The following DAB1 variants were observed in gnomAD, a reference collection of about 807,000 sequenced individuals.
The protein encoded by DAB1 is DAB adaptor protein 1.
DAB1 carries 15 observed loss-of-function variants against 64.6 expected under a neutral mutation model. The ratio of observed to expected loss-of-function variants is 0.23; its 90% confidence interval spans 0.16 to 0.36. The LOEUF (loss-of-function observed/expected upper bound fraction) is 0.36. Among genes scored for constraint, DAB1 ranks in the 10% least tolerant of loss-of-function variants. The pLI is 1.00. For synonymous variants in DAB1, 235 were observed against 251.9 expected (o/e 0.93, Z 0.64); for missense variants, 596 against 706.7 (o/e 0.84, Z 1.78).
intron 2 of DAB1, among the ~76,000 whole-genome samples, chr1:57,263,412 G>T (rs758696607): frequency 4.6e-5 from 7 of 152,068 alleles, no homozygotes; most frequent in Non-Finnish European, 1.0e-4. Context: ...GAGCCACTGC[G>T]CCTGGCTGAA....
intron 7 of DAB1, among the ~76,000 whole-genome samples, chr1:57,590,783 C>CA (rs1645437643): frequency 3.5e-5 from 5 of 143,824 alleles, no homozygotes; most frequent in African/African-American, 1.0e-4. Context: ...CACACACACA[C>CA]CCCACTCACA....
chr1:58,529,013 T>C (rs920687633), intron 1 of DAB1, among the ~76,000 whole-genome samples: 5 of 152,176 alleles, frequency 3.3e-5, no homozygotes, highest in Non-Finnish European at 7.3e-5. Context: ...AAGCAATCTA[T>C]AGATAGATCA....
At position 57,906,921 on chromosome 1, in the gene DAB1, A is replaced by G. The variant is rs149457215; in HGVS notation, n.388-22759T>C. On this transcript the variant is annotated intron_variant and non_coding_transcript_variant, in intron 5 of 20. Transcript: ENST00000485760. ...TTTCTTAGCAGACACACATATAAAA[A>G]TAAGAATATAATATGCAGATAGATA... Among the ~76,000 whole-genome samples, 173 of 149,496 alleles carry G rather than the reference A, an allele frequency of 1.2e-3. 3 individuals are homozygous for G. In the East Asian group the frequency reaches 0.03, roughly 26 times the overall value.
At chr1:58,437,255 T>A (rs2100256938) in intron 3 of DAB1, among the ~76,000 whole-genome samples, 1 of 152,332 alleles carries the variant, frequency 6.6e-6, no homozygotes, top group Middle Eastern at 3.4e-3. Context: ...CCTGGGAACC[T>A]GCATTTTTGA....
chr1:58,224,999 G>T (rs1261492377), intron 4 of DAB1, among the ~76,000 whole-genome samples: 1 of 152,140 alleles, frequency 6.6e-6, no homozygotes, highest in African/African-American at 2.4e-5. Flanking sequence ...CACAGCAAAA[G>T]AAACTACCAT....
chr1:58,390,233 C>T (rs976810609), intron 3 of DAB1, among the ~76,000 whole-genome samples: 6 of 152,132 alleles, frequency 3.9e-5, no homozygotes, highest in Non-Finnish European at 8.8e-5. Context: ...TACCCCACCC[C>T]ACCCCTACCC....
intron 3 of DAB1, among the ~76,000 whole-genome samples, chr1:58,501,459 T>A (rs548253362): frequency 5.6e-4 from 86 of 152,294 alleles, no homozygotes; most frequent in African/African-American, 2.0e-3. Flanking sequence ...TTGTCCCATC[T>A]CTGTGAACAA....
chr1:57,051,532 G>A (rs1218161227), intron 9 of DAB1, among the ~76,000 whole-genome samples: 2 of 152,152 alleles, frequency 1.3e-5, no homozygotes, highest in Non-Finnish European at 2.9e-5. Flanking sequence ...ATGTGCAGCA[G>A]GGAAAATGAA....
In DAB1 at chr1:57,586,645, A is replaced by T. The variant is rs369767877; in HGVS notation, n.625+62947T>A. Among the ~76,000 whole-genome samples, 6 of 152,194 alleles carry T rather than the reference A, an allele frequency of 3.9e-5. No homozygotes were observed. In the South Asian group the frequency reaches 8.3e-4, roughly 21 times the overall value. On this transcript the variant is annotated intron_variant and non_coding_transcript_variant, in intron 7 of 20. Transcript: ENST00000485760. The stretch of plus-strand genomic sequence containing the variant: ...AGATTCTTTCTTCAGGAGATTTTAA[A>T]CTTAAGGGAATTAACAGAATATCAA...
At chr1:58,185,588 T>C (rs957298989) in intron 4 of DAB1, among the ~76,000 whole-genome samples, 3 of 152,148 alleles carry the variant, frequency 2.0e-5, no homozygotes, top group African/African-American at 7.2e-5. Flanking sequence ...TTAAAGACTT[T>C]GAATCTTTAA....
At chr1:57,364,774 A>T (rs1438343688) in intron 1 of DAB1, among the ~76,000 whole-genome samples, 2 of 151,504 alleles carry the variant, frequency 1.3e-5, no homozygotes, top group African/African-American at 2.4e-5. Context: ...AGAAGAAGTT[A>T]CAATGTGATT....
At chr1:57,541,575 C>T (rs1644804243) in intron 7 of DAB1, among the ~76,000 whole-genome samples, 1 of 152,162 alleles carries the variant, frequency 6.6e-6, no homozygotes, top group African/African-American at 2.4e-5. Context: ...CCCTTCTCCC[C>T]TCAACAATGC....
At chr1:57,474,469 ATGGGT>A (rs1643909847) in intron 7 of DAB1, among the ~76,000 whole-genome samples, 4 of 152,216 alleles carry the variant, frequency 2.6e-5, no homozygotes. Context: ...TTTGGTGAAT[ATGGGT>A]TCAATGTTTG....
intron 7 of DAB1, among the ~76,000 whole-genome samples, chr1:57,488,111 G>C (rs1293671786): frequency 6.6e-6 from 1 of 152,058 alleles, no homozygotes; most frequent in Non-Finnish European, 1.5e-5. Flanking sequence ...TAAAAAATTT[G>C]TATATTTGGG....
intron 7 of DAB1, among the ~76,000 whole-genome samples, chr1:57,479,815 A>G (rs1643989243): frequency 6.6e-6 from 1 of 152,154 alleles, no homozygotes; most frequent in Non-Finnish European, 1.5e-5. Context: ...GCTATACTTC[A>G]TATAAATCAG....
intron 7 of DAB1, among the ~76,000 whole-genome samples, chr1:57,506,965 C>A (rs1320744581): frequency 1.3e-5 from 2 of 152,192 alleles, no homozygotes; most frequent in Non-Finnish European, 2.9e-5. Context: ...CTCACCCAGG[C>A]CTTTTCAACA....
chr1:57,506,862 A>C (rs1356990323), intron 7 of DAB1, among the ~76,000 whole-genome samples: 2 of 151,422 alleles, frequency 1.3e-5, no homozygotes, highest in African/African-American at 4.9e-5. Flanking sequence ...TCAATTGCCA[A>C]CTCCCGTAGA....
intron 4 of DAB1, among the ~76,000 whole-genome samples, chr1:58,313,819 A>ATGTGTGTGTGTGTG (rs35817738): frequency 5.7e-4 from 68 of 120,032 alleles, no homozygotes; most frequent in African/African-American, 9.2e-4. Flanking sequence ...TTGTATCTTC[A>ATGTGTGTGTGTGTG]TGTGTGTGTG....
At chr1:57,602,728 C>T (rs1232911658) in intron 7 of DAB1, among the ~76,000 whole-genome samples, 1 of 152,082 alleles carries the variant, frequency 6.6e-6, no homozygotes, top group Non-Finnish European at 1.5e-5. Flanking sequence ...TTAGAGGAAT[C>T]CTTTCCAATG....
Sources: allele counts gnomAD v4.1 joint callset (sites outside exome capture counted in the v4.1 genomes callset), GRCh38; gene constraint gnomAD v4.1.1; transcripts MANE v1.5; gene names NCBI Gene and HGNC (gene_info 2026-07-23, HGNC 2026-07-21).